Variants in DDAH1 observed in about 807,000 individuals in gnomAD.
The protein encoded by DDAH1 is dimethylarginine dimethylaminohydrolase 1, also known as N(G),N(G)-dimethylarginine dimethylaminohydrolase 1.
A neutral mutation model predicts 28.8 loss-of-function variants in DDAH1; 19 were observed. The observed-to-expected ratio is 0.66, with a 90% confidence interval of 0.46 to 0.97. The LOEUF is 0.97. DDAH1 is among the 50% of genes least tolerant of loss of function. The probability of loss-of-function intolerance (pLI) is 0.00; values close to 1 mark genes in which losing one functional copy is unlikely to be tolerated. For synonymous variants in DDAH1, 153 were observed against 154.4 expected (o/e 0.99, Z 0.07); for missense variants, 326 against 375.9 (o/e 0.87, Z 1.10).
At chr1:85,561,066 G>A (rs1478429935) in intron 1 of DDAH1, among the ~76,000 whole-genome samples, 1 of 152,020 alleles carries the variant, frequency 6.6e-6, no homozygotes, top group Admixed American at 6.5e-5. Context: ...TTCCATTTCA[G>A]GGAGTGTATC....
rs575646487 is a variant in DDAH1, at chr1:85,536,110, G to A, written c.-122-39829C>T. Among the ~76,000 whole-genome samples, 3 of 151,786 alleles carry A rather than the reference G, an allele frequency of 2.0e-5. No individual in the cohort carries two copies. The South Asian group carries it at 6.3e-4, about 32-fold the overall frequency. ...ACCTTAGCTAGGCATGGTGGCACGT[G>A]CCTGTAATCCCAGCTACTTGGAAGG... On this transcript the variant is annotated intron_variant, in intron 1 of 6. Coordinates refer to the DDAH1 transcript ENST00000426972.
intron 4 of DDAH1, among the ~76,000 whole-genome samples, chr1:85,344,150 C>CA (rs1199892411): frequency 1.3e-5 from 2 of 152,208 alleles, no homozygotes; most frequent in East Asian, 1.9e-4. Context: ...GACAAAGGCA[C>CA]AAAAAATGGA....
At chr1:85,547,539 T>G (rs970105446) in intron 1 of DDAH1, among the ~76,000 whole-genome samples, 8 of 152,326 alleles carry the variant, frequency 5.3e-5, no homozygotes, top group Middle Eastern at 6.8e-3. Context: ...TTGCCGAACA[T>G]CAAGCACATT....
chr1:85,543,058 C>T (rs1403152371), intron 1 of DDAH1, among the ~76,000 whole-genome samples: 2 of 152,124 alleles, frequency 1.3e-5, no homozygotes, highest in African/African-American at 2.4e-5. Flanking sequence ...AATGATTCTA[C>T]TATACTGCTT....
At chr1:85,352,880 C>CT (rs71582954) in intron 2 of DDAH1, among the ~76,000 whole-genome samples, 43,010 of 147,380 alleles carry the variant, frequency 0.29, 6,952 homozygotes, top group South Asian at 0.41. Context: ...ATTATACTAC[C>CT]TTTTTTTTTT....
chr1:85,414,484 G>A (rs1652794237), intron 1 of DDAH1, among the ~76,000 whole-genome samples: 1 of 152,132 alleles, frequency 6.6e-6, no homozygotes, highest in Non-Finnish European at 1.5e-5. Context: ...AGAGTAAAAA[G>A]GCAAGCCACA....
intron 1 of DDAH1, among the ~76,000 whole-genome samples, chr1:85,460,770 G>T (rs1475306239): frequency 6.6e-6 from 1 of 152,190 alleles, no homozygotes; most frequent in Admixed American, 6.5e-5. Flanking sequence ...GGTTAGGCAG[G>T]TGCAAGAGTG....
intron 4 of DDAH1, among the ~76,000 whole-genome samples, chr1:85,337,838 A>G (rs886618129): frequency 2.0e-5 from 3 of 152,214 alleles, no homozygotes; most frequent in Admixed American, 6.5e-5. Flanking sequence ...CTCCTGATGC[A>G]ATTTCCTTTA....
At chr1:85,328,343 A>C (rs1647540372) in intron 4 of DDAH1, among the ~76,000 whole-genome samples, 1 of 152,234 alleles carries the variant, frequency 6.6e-6, no homozygotes, top group East Asian at 1.9e-4. Context: ...ACCCCAATTT[A>C]GTAAAATAGT....
At chr1:85,536,184 C>T (rs1292331345) in intron 1 of DDAH1, among the ~76,000 whole-genome samples, 5 of 151,500 alleles carry the variant, frequency 3.3e-5, no homozygotes, top group East Asian at 1.9e-4. Context: ...TTGCAGTGAA[C>T]GGAGATTGCA....
At position 85,455,044 on chromosome 1, in the gene DDAH1, G is replaced by A. The variant is rs528800130; in HGVS notation, c.303+9699C>T. ...GGGTCCCTGACAGAGAACTAGGATG[G>A]CATGCAGAAAGTTAGAAAATTCCAA... On this transcript the variant is annotated intron_variant, in intron 1 of 5. Coordinates refer to ENST00000284031, the MANE Select transcript of DDAH1 (RefSeq NM_012137.4). Among the ~76,000 whole-genome samples, 7 of 152,232 alleles carry A rather than the reference G, an allele frequency of 4.6e-5. No individual in the cohort carries two copies. In the East Asian group the frequency reaches 1.4e-3, roughly 29 times the overall value.
intron 1 of DDAH1, among the ~76,000 whole-genome samples, chr1:85,456,841 C>T (rs1654904485): frequency 6.6e-6 from 1 of 152,124 alleles, no homozygotes; most frequent in Non-Finnish European, 1.5e-5. Context: ...TGATAACTTA[C>T]AGGACCCCCC....
At chr1:85,388,799 T>C (rs1378747814) in intron 1 of DDAH1, among the ~76,000 whole-genome samples, 2 of 152,150 alleles carry the variant, frequency 1.3e-5, no homozygotes, top group African/African-American at 2.4e-5. Flanking sequence ...GATGAAGCTA[T>C]TTCTATCTAC....
At chr1:85,450,337 T>G (rs569457686) in intron 1 of DDAH1, among the ~76,000 whole-genome samples, 1 of 152,178 alleles carries the variant, frequency 6.6e-6, no homozygotes, top group East Asian at 1.9e-4. Context: ...GTATCAAAAG[T>G]TTTTTTGGCC....
chr1:85,428,497 C>T (rs551843633), intron 1 of DDAH1, among the ~76,000 whole-genome samples: 10 of 152,172 alleles, frequency 6.6e-5, no homozygotes, highest in Admixed American at 2.6e-4. Context: ...CCACCTGGTC[C>T]CTCCCATGGC....
chr1:85,531,330 C>T (rs1414264063), intron 1 of DDAH1, among the ~76,000 whole-genome samples: 1 of 151,954 alleles, frequency 6.6e-6, no homozygotes, highest in African/African-American at 2.4e-5. Flanking sequence ...GCTGTTTCCT[C>T]ATAATGTAAA....
chr1:85,453,097 T>C (rs1654737242), intron 1 of DDAH1, among the ~76,000 whole-genome samples: 1 of 152,170 alleles, frequency 6.6e-6, no homozygotes, highest in South Asian at 2.1e-4. Context: ...TCAGGGAGCG[T>C]GTTCTAAATC....
At chr1:85,379,838 C>T (rs1320096404) in intron 1 of DDAH1, 1 of 376,046 alleles carries the variant, frequency 2.7e-6, no homozygotes, top group African/African-American at 2.2e-5. Flanking sequence ...CACTCTTTTC[C>T]ACGTTTCTAC....
intron 4 of DDAH1, among the ~76,000 whole-genome samples, chr1:85,326,480 G>T (rs1368090841): frequency 1.3e-5 from 2 of 152,160 alleles, no homozygotes; most frequent in Non-Finnish European, 1.5e-5. Flanking sequence ...ACTGAGAGAG[G>T]TCAAATAACT....
Sources: allele counts gnomAD v4.1 joint callset (sites outside exome capture counted in the v4.1 genomes callset), GRCh38; gene constraint gnomAD v4.1.1; transcripts MANE v1.5; gene names NCBI Gene and HGNC (gene_info 2026-07-23, HGNC 2026-07-21).